FANCL: variants seen among roughly 807,000 people sequenced by gnomAD.
FANCL encodes the protein FA complementation group L.
Under a neutral mutation model 59.4 loss-of-function variants are expected in FANCL, and 69 were observed. The observed-to-expected ratio is 1.16, with a 90% CI of 0.96 to 1.42. FANCL has a LOEUF of 1.42. Among genes scored for constraint, FANCL ranks in the 40% most tolerant of loss-of-function variants. The pLI, the probability that FANCL is intolerant of heterozygous loss-of-function variation, is 0.00. For missense variants in FANCL, 519 were observed against 447.2 expected, an observed-to-expected ratio of 1.16 and a Z score of -1.45; for synonymous variants, 180 against 147.1, an observed-to-expected ratio of 1.22 and a Z score of -1.62.
chr2:58,178,562 G>C (rs1687600190), intron 7 of FANCL, among the ~76,000 whole-genome samples: 1 of 152,080 alleles, frequency 6.6e-6, no homozygotes, highest in Non-Finnish European at 1.5e-5. Context: ...CAATAAATTA[G>C]GTGTTGATGG....
rs1486786400 is a variant in FANCL at position 58,198,439 on chromosome 2, A to G, written c.540+155T>C. ...GTATACAGAAGAGTGTGCACAGGCT[A>G]TAAACAAAGTCCCATTTATATAAGA... On this transcript the variant is annotated intron_variant, in intron 7 of 13. Transcript: ENST00000233741. The G allele has an allele frequency of 7.9e-6, 5 of 635,742 alleles. No individual in the cohort carries two copies. In the East Asian group the frequency reaches 1.4e-4, roughly 17 times the overall value. The allele number at this position is 635,742 out of a possible 1,614,324, so 39.4% of individuals were successfully genotyped here. A position where few individuals can be genotyped will look rare whatever the true frequency, so the allele number is the denominator to read the frequency against.
At chr2:58,202,790 A>C (rs779666299) in intron 6 of FANCL, among the ~76,000 whole-genome samples, 2 of 151,930 alleles carry the variant, frequency 1.3e-5, no homozygotes, top group Non-Finnish European at 2.9e-5. Context: ...TTGGATTAAA[A>C]TCTTGTAGGT....
chr2:58,174,671 C>T (rs1261758895), intron 7 of FANCL, among the ~76,000 whole-genome samples: 2 of 151,900 alleles, frequency 1.3e-5, no homozygotes, highest in African/African-American at 4.8e-5. Context: ...CACTAAATGC[C>T]CACAAGAGAA....
chr2:58,236,831 C>T (rs946307062), intron 1 of FANCL, among the ~76,000 whole-genome samples: 5 of 152,004 alleles, frequency 3.3e-5, no homozygotes, highest in African/African-American at 1.2e-4. Context: ...TTGGAAAATA[C>T]AGATTTCAGA....
intron 5 of FANCL, chr2:58,213,547 G>T (rs992472037): frequency 2.0e-5 from 3 of 152,046 alleles, no homozygotes; most frequent in African/African-American, 7.2e-5. Context: ...TAAAACAAAT[G>T]ATTAAGTAAC....
chr2:58,192,243 C>T (rs1558775788), intron 7 of FANCL, among the ~76,000 whole-genome samples: 1 of 151,878 alleles, frequency 6.6e-6, no homozygotes, highest in African/African-American at 2.4e-5. Context: ...AAATCTTCTA[C>T]AAAGCTTAAA....
In FANCL at chr2:58,221,977, G is replaced by C. The variant is rs2103752897; in HGVS notation, c.339C>G (p.Ser113Arg). ...CAAGAGTTCCTATCTCTTCAATAAG[G>C]CTTGAGTAGAACTGGGGAGGAGGAG... ...ALPPPPQFYSSLIEEIGTLGW... is the reference protein window; with the variant it reads ...ALPPPPQFYSRLIEEIGTLGW... Residue 113 changes from serine to arginine, a missense_variant, in exon 5 of 14, where the codon AGC becomes AGG. Ser to Arg is a moderately radical substitution (Grantham distance 110). Transcript: ENST00000233741. 2 of 1,613,174 alleles carry C rather than the reference G, an allele frequency of 1.2e-6. No individual in the cohort carries two copies. The highest frequency in any genetic ancestry group is 4.5e-5 in the East Asian group (2 of 44,794).
At chr2:58,163,276 G>C in intron 9 of FANCL, 158 bp downstream of exon 9, 2 of 725,674 alleles carry the variant, frequency 2.8e-6, no homozygotes, top group Non-Finnish European at 4.7e-6. Flanking sequence ...AACCGAGATC[G>C]CGCCATTACA....
chr2:58,160,315 T>G (rs1684945882), intron 12 of FANCL, 136 bp from the exon 13 acceptor site: 1 of 852,078 alleles, frequency 1.2e-6, no homozygotes, highest in Non-Finnish European at 2.0e-6. Flanking sequence ...TTTGCAAGAG[T>G]AAGGGATGTA....
At chr2:58,182,591 C>T (rs569656927) in intron 7 of FANCL, among the ~76,000 whole-genome samples, 3 of 151,884 alleles carry the variant, frequency 2.0e-5, no homozygotes, top group Non-Finnish European at 3.0e-5. Context: ...AACTAACCCA[C>T]GGAAGAAACA....
chr2:58,201,553 C>A (rs746881377), intron 6 of FANCL, among the ~76,000 whole-genome samples: 2 of 151,842 alleles, frequency 1.3e-5, no homozygotes, highest in Non-Finnish European at 2.9e-5. Flanking sequence ...AGAAAGAGTG[C>A]CCACCCTCTG....
At chr2:58,166,509 G>C (rs1335573927) in intron 7 of FANCL, among the ~76,000 whole-genome samples, 1 of 152,128 alleles carries the variant, frequency 6.6e-6, no homozygotes, top group African/African-American at 2.4e-5. Flanking sequence ...CTTAAATATA[G>C]TTTCACTAAA....
intron 4 of FANCL, among the ~76,000 whole-genome samples, chr2:58,223,137 G>T (rs1453561308): frequency 6.9e-6 from 1 of 144,632 alleles, no homozygotes; most frequent in African/African-American, 2.6e-5. Context: ...TCTGCTTTAT[G>T]ATGAAAAAAA....
In FANCL at chr2:58,163,061, C is replaced by G; in HGVS notation, c.789G>C (p.Leu263=). The part of the protein sequence containing the change: ...FLGADHVVKP[L]GIKLSRNIHL... The stretch of plus-strand genomic sequence containing the variant: ...GTATGTTCCTGCTCAGCTTAATTCC[C>G]AGGGGTTTTACCACTTCAGATTAAA... Residue 263 remains leucine (L), a synonymous_variant, in exon 10 of 14, where the codon CTG becomes CTC. Coordinates refer to ENST00000233741, the MANE Select transcript of FANCL (RefSeq NM_018062.4). 1 of 1,612,052 alleles carries G rather than the reference C, an allele frequency of 6.2e-7. No individual in the cohort carries two copies. Among genetic ancestry groups the G allele is most frequent in the Non-Finnish European group, 8.5e-7 (1 of 1,178,966 alleles).
chr2:58,198,001 T>A (rs1573670885), intron 7 of FANCL, among the ~76,000 whole-genome samples: 1 of 151,932 alleles, frequency 6.6e-6, no homozygotes, highest in South Asian at 2.1e-4. Context: ...TTACTGAAAA[T>A]GAAGCATAAA....
chr2:58,165,304 C>A (rs375471309), intron 8 of FANCL, among the ~76,000 whole-genome samples: 29 of 152,242 alleles, frequency 1.9e-4, no homozygotes, highest in African/African-American at 6.3e-4. Context: ...ACTGCAAGTT[C>A]TTTTATCTTC....
At chr2:58,161,374 C>G (rs111842758) in intron 12 of FANCL, 148 bp downstream of exon 12, 35 of 671,548 alleles carry the variant, frequency 5.2e-5, no homozygotes, top group African/African-American at 4.8e-4. Flanking sequence ...AGCACATAAG[C>G]ATCTGGAATA....
intron 2 of FANCL, among the ~76,000 whole-genome samples, chr2:58,230,816 A>G (rs1436742555): frequency 2.6e-5 from 4 of 152,184 alleles, no homozygotes; most frequent in Non-Finnish European, 4.4e-5. Context: ...TTATTGTGGT[A>G]TCCTTAATTT....
intron 7 of FANCL, among the ~76,000 whole-genome samples, chr2:58,188,149 A>G (rs554780994): frequency 6.6e-6 from 1 of 152,162 alleles, no homozygotes; most frequent in Admixed American, 6.6e-5. Context: ...TCTCAGCACC[A>G]TGTGTTGAAA....
Sources: allele counts gnomAD v4.1 joint callset (sites outside exome capture counted in the v4.1 genomes callset), GRCh38; gene constraint gnomAD v4.1.1; transcripts MANE v1.5; gene names NCBI Gene and HGNC (gene_info 2026-07-23, HGNC 2026-07-21).